SIGLEC1: variants seen among roughly 807,000 people sequenced by gnomAD.
The protein encoded by SIGLEC1 is sialic acid binding Ig like lectin 1.
Under a neutral mutation model 148.0 loss-of-function variants are expected in SIGLEC1, and 132 were observed. That is an observed-to-expected ratio of 0.89 (90% CI 0.77 to 1.03). The LOEUF is 1.03. Among genes scored for constraint, SIGLEC1 ranks in the 50% least tolerant of loss-of-function variants. The pLI is 0.00. For synonymous variants in SIGLEC1, 945 were observed against 969.0 expected, an observed-to-expected ratio of 0.98 and a Z score of 0.46; for missense variants, 2,253 against 2,271.4, an observed-to-expected ratio of 0.99 and a Z score of 0.16.
In SIGLEC1 at chr20:3,707,226, C is replaced by A; in HGVS notation, c.-98G>T. The A allele has an allele frequency of 1.9e-6, 2 of 1,054,948 alleles. No homozygotes were observed. Among genetic ancestry groups the A allele is most frequent in the Non-Finnish European group, 2.9e-6 (2 of 690,722 alleles). 65.3% of individuals were successfully genotyped at this position (1,054,948 alleles called of 1,614,324 possible). A position where few individuals can be genotyped will look rare whatever the true frequency, so the allele number is the denominator to read the frequency against. On this transcript the variant is annotated 5_prime_UTR_variant, in exon 2 of 22. Transcript: ENST00000344754. ...CCAGGGACACCTCTGGGCACTTTAG[C>A]CCCAGCACCTGCTAGAAGTCCGAGC... is the stretch of plus-strand genomic sequence containing the variant.
rs778929717 is a variant in SIGLEC1 at position 3,701,415 on chromosome 20, G to A, written c.1455C>T (p.Asp485=). The A allele has an allele frequency of 1.9e-6, 3 of 1,614,082 alleles. No homozygotes were observed. The highest frequency in any genetic ancestry group is 2.7e-5 in the African/African-American group (2 of 74,948). ...RLEIRDLEET[D]SGEYKCSATN... ...TGGCTGAGCACTTGTACTCCCCACT[G>A]TCAGTTTCCTCCAGGTCTCGGATCT... Residue 485 remains aspartate, a synonymous_variant, in exon 7 of 22, where the codon GAC becomes GAT. Coordinates refer to ENST00000344754, the MANE Select transcript of SIGLEC1 (RefSeq NM_023068.4).
chr20:3,704,015 G>A lies in SIGLEC1; in HGVS notation c.783C>T (p.Thr261=), dbSNP rs755912407. 2 of 1,613,566 alleles carry A rather than the reference G, an allele frequency of 1.2e-6. No homozygotes were observed. The highest frequency in any genetic ancestry group is 1.1e-5 in the South Asian group (1 of 91,036). Residue 261 remains threonine, a synonymous_variant, in exon 5 of 22, where the codon ACC becomes ACT. Transcript: ENST00000344754. The stretch of plus-strand genomic sequence containing the variant: ...CAGGGTAGCTGCTGTTCACCTGGCA[G>A]GTGAGTGTGACCAGCTCACCTGGAA... ...NILPGELVTL[T]CQVNSSYPAV...
At chr20:3,708,298 G>A (rs371850200) in intron 1 of SIGLEC1, among the ~76,000 whole-genome samples, 2 of 152,244 alleles carry the variant, frequency 1.3e-5, no homozygotes, top group East Asian at 3.9e-4. Context: ...TGTCTAAGGG[G>A]TACCATAGAC....
Position 3,694,502 on chromosome 20 carries a change from AG to A in SIGLEC1, c.2974del (p.Leu992Ter). 1.3e-6 allele frequency: 2 copies of A among 1,576,886 alleles called. No individual in the cohort carries two copies. The highest frequency in any genetic ancestry group is 1.7e-6 in the Non-Finnish European group (2 of 1,158,588). On this transcript the variant is annotated frameshift_variant, in exon 13 of 22. Transcript: ENST00000344754. LOFTEE classifies it high-confidence loss of function. ...CAGTCGTCCAGGGCCTGTGTCCATC[AG>A]GGTAGTGAGTGTGACGTGGCGTGGG... ...YAPRHVTLTT[L>X]MDTGPGRLGL...
At chr20:3,695,078 C>T (rs187688823) in intron 11 of SIGLEC1, among the ~76,000 whole-genome samples, 155 bp from the exon 12 acceptor site, 65 of 152,334 alleles carry the variant, frequency 4.3e-4, no homozygotes, top group Non-Finnish European at 7.3e-4. Context: ...CAGCCCTATG[C>T]CTTGGCCCCT....
chr20:3,705,615 G>T, intron 4 of SIGLEC1, 129 bp downstream of exon 4: 1 of 982,660 alleles, frequency 1.0e-6, no homozygotes, highest in South Asian at 1.6e-5. Context: ...GCCCTACCCT[G>T]GAGGCCCAGG....
intron 7 of SIGLEC1, among the ~76,000 whole-genome samples, chr20:3,700,697 CTTTTTTT>C (rs71195856): frequency 1.7e-4 from 20 of 119,868 alleles, no homozygotes; most frequent in Non-Finnish European, 2.2e-4. Flanking sequence ...TTTTCTTTTT[CTTTTTTT>C]TTTTTTTTTT....
rs1444587202 is a variant in SIGLEC1 at position 3,692,845 on chromosome 20, C to G, written c.3778+17G>C. ...TGGGCTTCCATCCCAGTGGGCTTGGCCTAGGCCCTGCCTTACCCTCCAGCC... is the reference window on the plus strand; with the variant it reads ...TGGGCTTCCATCCCAGTGGGCTTGGGCTAGGCCCTGCCTTACCCTCCAGCC... On this transcript the variant is annotated intron_variant, in intron 15 of 21. Transcript: ENST00000344754. 22 of 1,605,018 alleles carry G rather than the reference C, an allele frequency of 1.4e-5. No individual in the cohort carries two copies. In the Admixed American group the frequency reaches 3.7e-4, roughly 27 times the overall value.
In SIGLEC1 at chr20:3,701,478, G is replaced by T; in HGVS notation, c.1392C>A (p.Arg464=). 6.2e-7 allele frequency: 1 copy of T among 1,614,110 alleles called. No homozygotes were observed. The highest frequency in any genetic ancestry group is 1.1e-5 in the South Asian group (1 of 91,084). ...STSGDSDHSP[R]FSGTSGPNSL... The stretch of plus-strand genomic sequence containing the variant: ...AGTTGGGACCAGAGGTACCACTGAA[G>T]CGTGGGCTGTGATCACTGTCCCCGG... Residue 464 remains arginine (R), a synonymous_variant, in exon 7 of 22, where the codon CGC becomes CGA. Coordinates refer to ENST00000344754, the MANE Select transcript of SIGLEC1 (RefSeq NM_023068.4).
chr20:3,699,087 C>A, intron 8 of SIGLEC1, 115 bp downstream of exon 8: 1 of 1,278,942 alleles, frequency 7.8e-7, no homozygotes, highest in South Asian at 1.4e-5. Flanking sequence ...AGGTCTGTGA[C>A]CCAGCCCTCC....
In SIGLEC1 at chr20:3,697,971, C is replaced by T. The variant is rs1055188555; in HGVS notation, c.1949G>A (p.Gly650Glu). ...GCCCCCACAGGTGCTGCAGCCACCC[C>T]CTGATGGCAGGGAAGTGGCCACAAC... ...DRVVATSLPS[G>E]GGCSTCGGCS... Residue 650 changes from glycine (G) to glutamate (E), a missense_variant, in exon 9 of 22, where the codon GGG becomes GAG. Transcript: ENST00000344754. 1.2e-6 allele frequency: 2 copies of T among 1,611,918 alleles called. No homozygotes were observed. The highest frequency in any genetic ancestry group is 3.3e-5 in the Admixed American group (2 of 59,896).
chr20:3,691,034 T>C (rs11908342), intron 18 of SIGLEC1, among the ~76,000 whole-genome samples: 3,082 of 152,144 alleles, frequency 0.02, 109 homozygotes, highest in African/African-American at 0.071. Flanking sequence ...TTTCGCCATA[T>C]TGACCAGGCT....
At chr20:3,703,570 T>G in intron 5 of SIGLEC1, 119 bp from the exon 6 acceptor site, 2 of 1,324,562 alleles carry the variant, frequency 1.5e-6, no homozygotes, top group Non-Finnish European at 2.0e-6. Context: ...ACCACCCGCC[T>G]GCTGCTACAG....
intron 1 of SIGLEC1, among the ~76,000 whole-genome samples, chr20:3,708,602 C>A (rs369210885): frequency 6.6e-6 from 1 of 151,204 alleles, no homozygotes; most frequent in African/African-American, 2.4e-5. Context: ...TCTGTCTCTA[C>A]GAAAAATTAA....
rs1446414589 is a variant in SIGLEC1 at position 3,698,167 on chromosome 20, C to T, written c.1787-34G>A. ...AGGAAGAACATGGGCACTCATCCCACGGATGCTCCAGGGCCCCACAAGCCT... is the reference window on the plus strand; with the variant it reads ...AGGAAGAACATGGGCACTCATCCCATGGATGCTCCAGGGCCCCACAAGCCT... On this transcript the variant is annotated intron_variant, in intron 8 of 21. Transcript: ENST00000344754. 6.6e-6 allele frequency: 10 copies of T among 1,519,920 alleles called. No individual in the cohort carries two copies. In the East Asian group the frequency reaches 7.2e-5, roughly 11 times the overall value. The allele number at this position is 1,519,920 out of a possible 1,614,324, so 94.2% of individuals were successfully genotyped here.
rs1207284510 is a variant in SIGLEC1, at chr20:3,701,386, T to G, written c.1484A>C (p.Asn495Thr). ...GGTGGAGGTTGCATTTCCAAGGGAG[T>G]TGGTGGCTGAGCACTTGTACTCCCC... ...DSGEYKCSAT[N>T]SLGNATSTLD... Residue 495 changes from asparagine (N) to threonine (T), a missense_variant, in exon 7 of 22, where the codon AAC becomes ACC. By Grantham distance (65) the Asn-to-Thr change is moderately conservative. Transcript: ENST00000344754. 1 of 1,613,818 alleles carries G rather than the reference T, an allele frequency of 6.2e-7. No individual in the cohort carries two copies. Among genetic ancestry groups the G allele is most frequent in the Non-Finnish European group, 8.5e-7 (1 of 1,179,816 alleles).
chr20:3,706,827 C>T (rs1044235423), intron 2 of SIGLEC1, 121 bp from the exon 3 acceptor site: 14 of 1,250,346 alleles, frequency 1.1e-5, no homozygotes, highest in Middle Eastern at 2.5e-4. Flanking sequence ...TGCCCTGCCC[C>T]GAGAAATGCA....
At chr20:3,691,217 G>T in intron 18 of SIGLEC1, 123 bp downstream of exon 18, 1 of 1,254,778 alleles carries the variant, frequency 8.0e-7, no homozygotes, top group Non-Finnish European at 1.1e-6. Context: ...GGAGAGCCAG[G>T]ATTCCAACCC....
At chr20:3,701,202 C>T (rs2146527920) in intron 7 of SIGLEC1, 140 bp downstream of exon 7, 1 of 781,334 alleles carries the variant, frequency 1.3e-6, no homozygotes, top group East Asian at 2.7e-5. Flanking sequence ...TGGGTCACTG[C>T]ACAGCCCCTG....
Sources: allele counts gnomAD v4.1 joint callset (sites outside exome capture counted in the v4.1 genomes callset), GRCh38; gene constraint gnomAD v4.1.1; transcripts MANE v1.5; gene names NCBI Gene and HGNC (gene_info 2026-07-23, HGNC 2026-07-21).